The following DDAH1 variants were observed in gnomAD, a reference collection of about 807,000 sequenced individuals.
The protein encoded by DDAH1 is dimethylarginine dimethylaminohydrolase 1.
Under a neutral mutation model 28.8 loss-of-function variants are expected in DDAH1, and 19 were observed. The ratio of observed to expected loss-of-function variants is 0.66; its 90% CI spans 0.46 to 0.97. DDAH1 has a LOEUF of 0.97. DDAH1 is among the 50% of genes least tolerant of loss of function. The pLI is 0.00. For missense variants in DDAH1, 326 were observed against 375.9 expected, an observed-to-expected ratio of 0.87 and a Z score of 1.10; for synonymous variants, 153 against 154.4, an observed-to-expected ratio of 0.99 and a Z score of 0.07.
intron 1 of DDAH1, among the ~76,000 whole-genome samples, chr1:85,443,701 T>TAC (rs1654306413): frequency 6.6e-6 from 1 of 152,150 alleles, no homozygotes; most frequent in African/African-American, 2.4e-5. Context: ...GAGCAGTGGT[T>TAC]TGTAGTTCTC....
At chr1:85,329,755 C>T (rs1046615269) in intron 4 of DDAH1, among the ~76,000 whole-genome samples, 3 of 152,152 alleles carry the variant, frequency 2.0e-5, no homozygotes, top group Non-Finnish European at 4.4e-5. Context: ...CATTTTAAGA[C>T]AGATTTAAGA....
At chr1:85,567,384 C>T (rs575102904) in intron 1 of DDAH1, among the ~76,000 whole-genome samples, 1 of 152,246 alleles carries the variant, frequency 6.6e-6, no homozygotes, top group African/African-American at 2.4e-5. Context: ...CCGTGCTATT[C>T]TCATGATAGT....
At chr1:85,552,507 T>A (rs1658826661) in intron 1 of DDAH1, among the ~76,000 whole-genome samples, 1 of 152,328 alleles carries the variant, frequency 6.6e-6, no homozygotes, top group African/African-American at 2.4e-5. Flanking sequence ...TCCAACGAAG[T>A]CTAGCATAAT....
At chr1:85,396,865 T>C (rs1250845662) in intron 1 of DDAH1, among the ~76,000 whole-genome samples, 1 of 151,846 alleles carries the variant, frequency 6.6e-6, no homozygotes, top group African/African-American at 2.4e-5. Flanking sequence ...TAAAACCCTA[T>C]TGCTATAAGA....
chr1:85,340,771 AT>A (rs1648427518), intron 4 of DDAH1, among the ~76,000 whole-genome samples: 1 of 152,124 alleles, frequency 6.6e-6, no homozygotes, highest in African/African-American at 2.4e-5. Flanking sequence ...AAAAAAAAAA[AT>A]CTGTGTTGTC....
rs553880012 is a variant in DDAH1, at chr1:85,366,660, A to G, written c.304-7813T>C. 5.9e-5 allele frequency among the ~76,000 whole-genome samples: 9 copies of G among 152,304 alleles called. No homozygotes were observed. In the South Asian group the frequency reaches 1.9e-3, roughly 32 times the overall value. On this transcript the variant is annotated intron_variant, in intron 1 of 5. Transcript: ENST00000284031. ...ACCCCAGATGGTTACTCATGAGTAA[A>G]GTATTCTGGTGTTTAACCAAATCCA...
At chr1:85,488,309 T>TCCAA (rs1656273902) in intron 2 of DDAH1, 1 of 152,234 alleles carries the variant, frequency 6.6e-6, no homozygotes, top group South Asian at 2.1e-4. Flanking sequence ...AGGCTGAAAG[T>TCCAA]CCAAGATCAG....
At chr1:85,411,708 GC>G (rs780362292) in intron 1 of DDAH1, among the ~76,000 whole-genome samples, 16 of 152,214 alleles carry the variant, frequency 1.1e-4, no homozygotes, top group Non-Finnish European at 1.3e-4. Context: ...GATGGCAACT[GC>G]TGAGCCATTT....
intron 1 of DDAH1, among the ~76,000 whole-genome samples, chr1:85,455,083 A>G (rs1570566373): frequency 1.3e-5 from 2 of 152,318 alleles, no homozygotes; most frequent in Admixed American, 1.3e-4. Flanking sequence ...CAAGATTTAA[A>G]AAATGGTTTG....
At chr1:85,330,862 A>G (rs233132) in intron 4 of DDAH1, among the ~76,000 whole-genome samples, 52,963 of 152,154 alleles carry the variant, frequency 0.35, 9,345 homozygotes, top group South Asian at 0.4. Flanking sequence ...AGATGCCTTC[A>G]GGAGATGAAA....
intron 1 of DDAH1, among the ~76,000 whole-genome samples, chr1:85,436,016 G>A (rs1409363469): frequency 6.6e-6 from 1 of 151,696 alleles, no homozygotes; most frequent in African/African-American, 2.4e-5. Flanking sequence ...GTCCAGACTG[G>A]TCTCGAACTC....
intron 1 of DDAH1, among the ~76,000 whole-genome samples, chr1:85,431,007 A>G (rs1424575319): frequency 6.6e-6 from 1 of 152,162 alleles, no homozygotes; most frequent in Non-Finnish European, 1.5e-5. Context: ...TTACCCGTTC[A>G]GTGTGATATT....
chr1:85,356,627 T>G (rs1356391154), intron 2 of DDAH1, among the ~76,000 whole-genome samples: 4 of 152,180 alleles, frequency 2.6e-5, no homozygotes, highest in Non-Finnish European at 5.9e-5. Context: ...ACATTAGGTG[T>G]GAATGGAGTG....
intron 2 of DDAH1, among the ~76,000 whole-genome samples, chr1:85,471,094 A>G (rs1180449053): frequency 1.3e-5 from 2 of 152,210 alleles, no homozygotes; most frequent in African/African-American, 4.8e-5. Context: ...TGAATGGGAT[A>G]TACTTACAGG....
chr1:85,559,541 G>A (rs1376592681), intron 1 of DDAH1, among the ~76,000 whole-genome samples: 1 of 152,104 alleles, frequency 6.6e-6, no homozygotes, highest in Non-Finnish European at 1.5e-5. Flanking sequence ...AAATGATGGA[G>A]ATAATGAAAT....
At chr1:85,519,774 T>G (rs1273376434) in intron 1 of DDAH1, among the ~76,000 whole-genome samples, 2 of 152,130 alleles carry the variant, frequency 1.3e-5, no homozygotes, top group Non-Finnish European at 2.9e-5. Flanking sequence ...GGGTAAAATT[T>G]TAAAACACAA....
intron 1 of DDAH1, among the ~76,000 whole-genome samples, chr1:85,504,959 T>C (rs898882023): frequency 1.2e-5 from 1 of 82,898 alleles, no homozygotes; most frequent in Non-Finnish European, 2.3e-5. Context: ...CCCTCAATGA[T>C]TCTTTTTTTT....
At chr1:85,492,922 C>T (rs1458034372) in intron 2 of DDAH1, among the ~76,000 whole-genome samples, 1 of 152,048 alleles carries the variant, frequency 6.6e-6, no homozygotes, top group East Asian at 1.9e-4. Context: ...AAACTGTGCC[C>T]TACATATCTT....
At chr1:85,355,769 T>G (rs920733528) in intron 2 of DDAH1, among the ~76,000 whole-genome samples, 2 of 152,208 alleles carry the variant, frequency 1.3e-5, no homozygotes, top group East Asian at 1.9e-4. Context: ...GTAGTAAAAT[T>G]AATACATACA....
Sources: gnomAD v4.1 joint callset for allele counts (sites outside exome capture counted in the v4.1 genomes callset) on GRCh38, gnomAD v4.1.1 for gene constraint, MANE v1.5 for transcripts, NCBI Gene and HGNC (gene_info 2026-07-23, HGNC 2026-07-21) for gene names.